CPEB3: variants seen among roughly 807,000 people sequenced by gnomAD.
CPEB3 encodes the protein cytoplasmic polyadenylation element-binding protein 3.
A neutral mutation model predicts 67.2 loss-of-function variants in CPEB3; 20 were observed. The observed-to-expected ratio is 0.30, with a 90% CI of 0.21 to 0.43. The LOEUF is 0.43. Among genes scored for constraint, CPEB3 ranks in the 20% least tolerant of loss-of-function variants. The probability of loss-of-function intolerance (pLI) is 1.00; values close to 1 mark genes in which losing one functional copy is unlikely to be tolerated. For synonymous variants in CPEB3, 376 were observed against 393.1 expected, an observed-to-expected ratio of 0.96 and a Z score of 0.51; for missense variants, 746 against 968.6, an observed-to-expected ratio of 0.77 and a Z score of 3.05.
At chr10:92,236,500 C>T (rs913913386) in intron 2 of CPEB3, among the ~76,000 whole-genome samples, 3 of 152,296 alleles carry the variant, frequency 2.0e-5, no homozygotes, top group East Asian at 1.9e-4. Flanking sequence ...GTAATCCCAG[C>T]ACTTTGGGAG....
chr10:92,059,547 AC>A (rs1329219600), intron 9 of CPEB3, among the ~76,000 whole-genome samples: 4 of 152,100 alleles, frequency 2.6e-5, no homozygotes, highest in African/African-American at 9.6e-5. Context: ...CTTCAAAAAA[AC>A]AATCTAATGA....
chr10:92,132,225 C>A (rs1845875659), intron 6 of CPEB3, among the ~76,000 whole-genome samples: 1 of 152,132 alleles, frequency 6.6e-6, no homozygotes, highest in South Asian at 2.1e-4. Context: ...GAAGAGATGA[C>A]CTCCCAATCA....
chr10:92,227,714 C>T (rs1247860390), intron 2 of CPEB3, among the ~76,000 whole-genome samples: 2 of 151,408 alleles, frequency 1.3e-5, no homozygotes, highest in African/African-American at 2.4e-5. Flanking sequence ...GCCTCAGCCT[C>T]CCGAGTAGCT....
chr10:92,087,244 C>A (rs1269726904), intron 8 of CPEB3, among the ~76,000 whole-genome samples: 1 of 152,072 alleles, frequency 6.6e-6, no homozygotes, highest in Non-Finnish European at 1.5e-5. Context: ...CAAATTTTTA[C>A]CTCCCACAGA....
chr10:92,216,619 T>C (rs879157173), intron 2 of CPEB3: 2 of 1,610,050 alleles, frequency 1.2e-6, no homozygotes, highest in South Asian at 1.1e-5. Context: ...ATCTCCCAGT[T>C]AGGTGTGAGG....
chr10:92,196,634 G>A (rs1020538259), intron 2 of CPEB3, among the ~76,000 whole-genome samples: 2 of 152,080 alleles, frequency 1.3e-5, no homozygotes, highest in Non-Finnish European at 2.9e-5. Context: ...CAGGCATGGT[G>A]ACACGCGCCT....
intron 4 of CPEB3, among the ~76,000 whole-genome samples, chr10:92,151,456 T>C (rs564798563): frequency 3.9e-5 from 6 of 152,198 alleles, no homozygotes; most frequent in Non-Finnish European, 7.3e-5. Flanking sequence ...TAGTGTCCAG[T>C]AGGTGACTTT....
intron 9 of CPEB3, among the ~76,000 whole-genome samples, chr10:92,071,070 T>TACAC (rs58497259): frequency 0.025 from 3,629 of 147,684 alleles, 131 homozygotes; most frequent in African/African-American, 0.079. Flanking sequence ...CACTTTCATT[T>TACAC]ACACACACAC....
intron 7 of CPEB3, among the ~76,000 whole-genome samples, chr10:92,092,362 A>G (rs534284335): frequency 1.4e-4 from 21 of 152,310 alleles, no homozygotes; most frequent in Non-Finnish European, 1.5e-5. Flanking sequence ...AAAATTCTCC[A>G]TGTCTGACTT....
chr10:92,184,490 C>G (rs769104619), intron 3 of CPEB3, among the ~76,000 whole-genome samples: 1 of 151,868 alleles, frequency 6.6e-6, no homozygotes, highest in African/African-American at 2.4e-5. Flanking sequence ...CTGTAGTCCC[C>G]GCTACTCGGG....
At chr10:92,205,774 C>T (rs957507352) in intron 2 of CPEB3, among the ~76,000 whole-genome samples, 1 of 151,984 alleles carries the variant, frequency 6.6e-6, no homozygotes, top group Non-Finnish European at 1.5e-5. Flanking sequence ...CTGCGCCCAG[C>T]CTAAATTCAG....
chr10:92,291,124 G>A, upstream of CPEB3: 1 of 364,378 alleles, frequency 2.7e-6, no homozygotes, highest in Non-Finnish European at 5.0e-6. Flanking sequence ...GCTCTGGGCC[G>A]CCCTGCGTCG....
At chr10:92,232,899 G>C (rs1851341937) in intron 2 of CPEB3, among the ~76,000 whole-genome samples, 1 of 152,178 alleles carries the variant, frequency 6.6e-6, no homozygotes, top group Non-Finnish European at 1.5e-5. Flanking sequence ...GTCATAAAGA[G>C]TTTAAACAAG....
chr10:92,188,876 A>C (rs1439861136), intron 3 of CPEB3, among the ~76,000 whole-genome samples: 1 of 152,192 alleles, frequency 6.6e-6, no homozygotes, highest in Non-Finnish European at 1.5e-5. Context: ...TGGGGGATGA[A>C]ATAGAGAAAC....
chr10:92,137,476 G>T, intron 6 of CPEB3: 1 of 1,220,842 alleles, frequency 8.2e-7, no homozygotes, highest in Non-Finnish European at 1.2e-6. Context: ...CAACACCCAG[G>T]TGGTTTTGCT....
chr10:92,146,977 C>T (rs930715056), intron 4 of CPEB3, among the ~76,000 whole-genome samples: 2 of 152,220 alleles, frequency 1.3e-5, no homozygotes, highest in Admixed American at 6.5e-5. Context: ...GTGTCAGGCA[C>T]ATGCGCAAAT....
chr10:92,121,463 T>G lies in CPEB3; in HGVS notation c.1454-10269A>C, dbSNP rs1247341170. Among the ~76,000 whole-genome samples, 3 of 150,378 alleles carry G rather than the reference T, an allele frequency of 2.0e-5. No individual in the cohort carries two copies. In the South Asian group the frequency reaches 6.2e-4, roughly 31 times the overall value. On this transcript the variant is annotated intron_variant, in intron 6 of 9. Coordinates refer to ENST00000265997, the MANE Select transcript of CPEB3 (RefSeq NM_014912.5). Reference sequence around the variant, plus strand: ...TGGCAAAATGCTAACAATTGGTGAATCTAGAAGAAAGCTATATAGGTGTTC... The same window carrying G: ...TGGCAAAATGCTAACAATTGGTGAAGCTAGAAGAAAGCTATATAGGTGTTC...
chr10:92,201,913 G>A (rs1263725116), intron 2 of CPEB3, among the ~76,000 whole-genome samples: 1 of 152,042 alleles, frequency 6.6e-6, no homozygotes, highest in Non-Finnish European at 1.5e-5. Context: ...AGTCTCATGG[G>A]AGCAGAAATG....
At chr10:92,106,814 C>CAAAAAAAAAAAAAAA (rs531195477) in intron 7 of CPEB3, among the ~76,000 whole-genome samples, 73 of 55,878 alleles carry the variant, frequency 1.3e-3, no homozygotes, top group African/African-American at 3.4e-3. Context: ...GACTCTGTCT[C>CAAAAAAAAAAAAAAA]AAAAAAAAAA....
Sources: gnomAD v4.1 joint callset for allele counts (sites outside exome capture counted in the v4.1 genomes callset) on GRCh38, gnomAD v4.1.1 for gene constraint, MANE v1.5 for transcripts, NCBI Gene and HGNC (gene_info 2026-07-23, HGNC 2026-07-21) for gene names.